The following TLE2 variants were observed in gnomAD, a reference collection of about 807,000 sequenced individuals.
The protein encoded by TLE2 is TLE family member 2, transcriptional corepressor.
TLE2 carries 74 observed loss-of-function variants against 97.2 expected under a neutral mutation model. The observed-to-expected ratio is 0.76, with a 90% CI of 0.63 to 0.92. TLE2 has a LOEUF of 0.92. Among genes scored for constraint, TLE2 ranks in the 40% least tolerant of loss-of-function variants. The probability of loss-of-function intolerance (pLI) is 0.00; values close to 1 mark genes in which losing one functional copy is unlikely to be tolerated. For synonymous variants in TLE2, 499 were observed against 432.1 expected, an observed-to-expected ratio of 1.15 and a Z score of -1.92; for missense variants, 1,038 against 1,008.7, an observed-to-expected ratio of 1.03 and a Z score of -0.39.
rs919406813 is a variant in TLE2, at chr19:3,028,765, G to A, written c.63C>T (p.Ile21=). 1 of 1,612,924 alleles carries A rather than the reference G, an allele frequency of 6.2e-7. No individual in the cohort carries two copies. The highest frequency in any genetic ancestry group is 1.3e-5 in the African/African-American group (1 of 75,044). The change falls in exon 2 of 20, where the codon ATC becomes ATT. Residue 21 remains isoleucine, a synonymous_variant. Transcript: ENST00000262953. ...CTTTGATGCGGTCGCAGATCTCCAA[G>A]ATCGAGAACTTGAAGGGCTGGCCGG... ...LQSGQPFKFS[I]LEICDRIKEE...
intron 19 of TLE2, 39 bp from the exon 20 acceptor site, chr19:2,997,994 C>T: frequency 2.0e-6 from 3 of 1,488,622 alleles, no homozygotes; most frequent in Non-Finnish European, 2.8e-6. Context: ...CACAGTGAGG[C>T]ATGGTCCCCA....
intron 1 of TLE2, among the ~76,000 whole-genome samples, chr19:3,039,732 G>A (rs1300671374): frequency 6.6e-6 from 1 of 152,182 alleles, no homozygotes; most frequent in Non-Finnish European, 1.5e-5. Context: ...GCCTCACCAA[G>A]GTCACCCAGC....
intron 3 of TLE2, 137 bp from the exon 4 acceptor site, chr19:3,028,010 G>T: frequency 2.2e-6 from 2 of 905,390 alleles, no homozygotes; most frequent in Non-Finnish European, 3.4e-6. Flanking sequence ...CCAGCTCCAC[G>T]GGGTCCCAGA....
At chr19:3,016,573 G>C (rs2089710614) in intron 8 of TLE2, among the ~76,000 whole-genome samples, 1 of 134,600 alleles carries the variant, frequency 7.4e-6, no homozygotes, top group Non-Finnish European at 1.6e-5. Context: ...CTGGGCGACA[G>C]GGCAAGACTC....
At chr19:3,017,529 C>T (rs2089738031) in intron 8 of TLE2, among the ~76,000 whole-genome samples, 1 of 148,436 alleles carries the variant, frequency 6.7e-6, no homozygotes, top group Admixed American at 6.8e-5. Flanking sequence ...CAGCTCCCTT[C>T]AGCCTTGGCC....
upstream of TLE2, among the ~76,000 whole-genome samples, chr19:3,031,608 G>A (rs915839051): frequency 3.3e-5 from 5 of 151,764 alleles, no homozygotes; most frequent in African/African-American, 1.2e-4. Context: ...GAGATTACAG[G>A]CATGAGCCAC....
At chr19:3,047,271 G>A (rs2090151242), upstream of TLE2, among the ~76,000 whole-genome samples, 1 of 145,064 alleles carries the variant, frequency 6.9e-6, no homozygotes, top group Non-Finnish European at 1.5e-5. Context: ...GTTAAGCGCG[G>A]GGCGGCCGCG....
At chr19:3,041,834 T>TG (rs550389126) in intron 1 of TLE2, among the ~76,000 whole-genome samples, 2 of 152,276 alleles carry the variant, frequency 1.3e-5, no homozygotes, top group African/African-American at 4.8e-5. Flanking sequence ...ATTGAGGCTT[T>TG]GGGGGCAGCC....
At chr19:3,026,281 T>C (rs145105926) in intron 4 of TLE2, among the ~76,000 whole-genome samples, 3,343 of 151,894 alleles carry the variant, frequency 0.022, 125 homozygotes, top group African/African-American at 0.077. Flanking sequence ...ACCCCGTCTC[T>C]ACTAAAAATA....
chr19:3,047,593 C>T (rs1229696807), upstream of TLE2: 2 of 151,962 alleles, frequency 1.3e-5, no homozygotes, highest in Non-Finnish European at 2.9e-5. Context: ...CTAGCTGACA[C>T]TCTTGAGCCC....
chr19:3,005,537 T>A lies in TLE2; in HGVS notation c.1796A>T (p.Asp599Val), dbSNP rs1300710849. The change falls in exon 17 of 20, where the codon GAT becomes GTT. Residue 599 changes from aspartate to valine, a missense_variant. Transcript: ENST00000262953. ...TDGASCIDISDYGTRLWTGGL... is the reference protein window; with the variant it reads ...TDGASCIDISVYGTRLWTGGL... Reference sequence around the variant, plus strand: ...CCCTGTCCAGAGCCGAGTGCCGTAATCGGAAATATCAATGCAGCTGGCGCC... The same window carrying A: ...CCCTGTCCAGAGCCGAGTGCCGTAAACGGAAATATCAATGCAGCTGGCGCC... The A allele has an allele frequency of 1.7e-5, 28 of 1,613,476 alleles. No individual in the cohort carries two copies. The highest frequency in any genetic ancestry group is 2.4e-5 in the Non-Finnish European group (28 of 1,179,764).
rs770060187 is a variant in TLE2, at chr19:3,019,338, C to T, written c.495G>A (p.Gln165=). 523 of 1,571,260 alleles carry T rather than the reference C, an allele frequency of 3.3e-4. No homozygotes were observed. The highest frequency in any genetic ancestry group is 1.6e-3 in the Admixed American group (88 of 56,052). The part of the protein sequence containing the change: ...ALSGALAAQA[Q]LAAAVKEDRA... ...GGTCCTCCTTGACAGCCGCCGCCAG[C>T]TGAGCCTGGGCAGCCAGGGCTCCAG... The change falls in exon 7 of 20, where the codon CAG becomes CAA. Residue 165 remains glutamine, a synonymous_variant. Coordinates refer to ENST00000262953, the MANE Select transcript of TLE2 (RefSeq NM_003260.5). This position sits in a 1 kb window ranked among gnomAD's most constrained non-coding sequence, Gnocchi z 5.1.
chr19:3,028,108 C>T (rs2089975809), intron 3 of TLE2, among the ~76,000 whole-genome samples: 1 of 152,112 alleles, frequency 6.6e-6, no homozygotes, highest in Non-Finnish European at 1.5e-5. Flanking sequence ...GGCCCTGGCC[C>T]GACAGAGACT....
Position 3,019,540 on chromosome 19 carries a change from CAG to C in TLE2, c.370-79_370-78del, listed in dbSNP as rs2089795023. On this transcript the variant is annotated intron_variant, in intron 6 of 19. Coordinates refer to ENST00000262953, the MANE Select transcript of TLE2 (RefSeq NM_003260.5). The surrounding 1 kb of genome is among the most constrained non-coding windows in gnomAD (Gnocchi z 5.1). ...CGGTCCCCAGCCCAAGAGGTAGACA[CAG>C]GGGATGGGACCTAAGCACAGCATGT... is the stretch of plus-strand genomic sequence containing the variant. The C allele has an allele frequency of 4.7e-6, 7 of 1,483,968 alleles. No individual in the cohort carries two copies. The highest frequency in any genetic ancestry group is 1.4e-5 in the African/African-American group (1 of 71,678). 91.9% of individuals were successfully genotyped at this position (1,483,968 alleles called of 1,614,324 possible).
At chr19:3,042,214 A>AAGGGG (rs916188509) in intron 1 of TLE2, among the ~76,000 whole-genome samples, 2 of 126,930 alleles carry the variant, frequency 1.6e-5, no homozygotes, top group East Asian at 2.6e-4. Context: ...GGAGGCGGCA[A>AAGGGG]AGGGGAGGGG....
chr19:3,008,830 C>A, intron 14 of TLE2, 39 bp downstream of exon 14: 2 of 1,482,866 alleles, frequency 1.3e-6, no homozygotes, highest in East Asian at 2.6e-5. Flanking sequence ...GGGGGGCTGG[C>A]CCGGGACCCC....
intron 5 of TLE2, chr19:3,020,067 G>A (rs1170743296): frequency 4.9e-6 from 2 of 409,976 alleles, no homozygotes; most frequent in Non-Finnish European, 8.9e-6. Context: ...CAGATCACCT[G>A]AGGCCAGGAG....
intron 1 of TLE2, among the ~76,000 whole-genome samples, chr19:3,040,998 T>TATATATATATATATATATATATAC (rs1568256466): frequency 3.7e-4 from 11 of 29,418 alleles, no homozygotes; most frequent in African/African-American, 1.9e-3. Flanking sequence ...CATTTATATA[T>TATATATATATATATATATATATAC]ATATATATAT....
At chr19:3,036,183 A>AG (rs1021880085) in intron 1 of TLE2, among the ~76,000 whole-genome samples, 1 of 151,920 alleles carries the variant, frequency 6.6e-6, no homozygotes, top group African/African-American at 2.4e-5. Context: ...TCAGGGGTGG[A>AG]GGGGGGTGGT....
Sources: allele counts gnomAD v4.1 joint callset (sites outside exome capture counted in the v4.1 genomes callset), GRCh38; gene constraint gnomAD v4.1.1; non-coding constraint Gnocchi (gnomAD v3.1); transcripts MANE v1.5; gene names NCBI Gene and HGNC (gene_info 2026-07-23, HGNC 2026-07-21).